MALT1: variants seen among roughly 807,000 people sequenced by gnomAD.
MALT1 encodes mucosa-associated lymphoid tissue lymphoma translocation protein 1.
Under a neutral mutation model 85.5 loss-of-function variants are expected in MALT1, and 36 were observed. The observed-to-expected ratio is 0.42, with a 90% CI of 0.32 to 0.56. The LOEUF is 0.56. MALT1 is among the 20% of genes least tolerant of loss of function. MALT1 has a pLI of 0.10. For synonymous variants in MALT1, 359 were observed against 361.3 expected, an observed-to-expected ratio of 0.99 and a Z score of 0.07; for missense variants, 716 against 981.6, an observed-to-expected ratio of 0.73 and a Z score of 3.62.
chr18:58,731,656 T>C (rs1407953266), intron 10 of MALT1, among the ~76,000 whole-genome samples: 1 of 152,268 alleles, frequency 6.6e-6, no homozygotes, highest in Non-Finnish European at 1.5e-5. Context: ...TTTCACTTCA[T>C]ACTGATATTC....
intron 16 of MALT1, among the ~76,000 whole-genome samples, chr18:58,746,700 C>CT (rs2055371627): frequency 6.6e-6 from 1 of 151,548 alleles, no homozygotes; most frequent in Non-Finnish European, 1.5e-5. Flanking sequence ...ACAGCTTAAG[C>CT]TTTTTTTATA....
chr18:58,729,964 C>A (rs1195615735), intron 10 of MALT1, among the ~76,000 whole-genome samples: 1 of 152,116 alleles, frequency 6.6e-6, no homozygotes, highest in Non-Finnish European at 1.5e-5. Context: ...AAACCAGTTA[C>A]CAGGTAGTAG....
At chr18:58,745,852 T>C (rs1341760252) in intron 16 of MALT1, 61 bp downstream of exon 16, 13 of 1,512,116 alleles carry the variant, frequency 8.6e-6, no homozygotes, top group Non-Finnish European at 1.2e-5. Flanking sequence ...GAAACTTATT[T>C]TGGCATAGAC....
At chr18:58,708,275 T>C (rs1462569143) in intron 4 of MALT1, among the ~76,000 whole-genome samples, 2 of 152,168 alleles carry the variant, frequency 1.3e-5, no homozygotes, top group East Asian at 3.8e-4. Context: ...AGGGAGTTGG[T>C]GAGTGAGGCA....
chr18:58,747,898 C>A lies in MALT1; in HGVS notation c.*56C>A. On this transcript the variant is annotated 3_prime_UTR_variant, in exon 17 of 17. Coordinates refer to ENST00000649217, the MANE Select transcript of MALT1 (RefSeq NM_006785.4). ...TAGATGCCTGTGAAATAGTACTGCACTTACATAAAGTGAGACATTGTGAAA... is the reference window on the plus strand; with the variant it reads ...TAGATGCCTGTGAAATAGTACTGCAATTACATAAAGTGAGACATTGTGAAA... 1 of 1,421,076 alleles carries A rather than the reference C, an allele frequency of 7.0e-7. No homozygotes were observed. Among genetic ancestry groups the A allele is most frequent in the Non-Finnish European group, 9.8e-7 (1 of 1,025,340 alleles). 88.0% of individuals were successfully genotyped at this position (1,421,076 alleles called of 1,614,324 possible).
chr18:58,699,781 A>G (rs753950861), intron 3 of MALT1, among the ~76,000 whole-genome samples: 18 of 152,206 alleles, frequency 1.2e-4, no homozygotes, highest in Non-Finnish European at 2.1e-4. Context: ...GGTGTAGCTG[A>G]TCAATTGCTG....
intron 4 of MALT1, among the ~76,000 whole-genome samples, chr18:58,701,876 A>G (rs2054677196): frequency 6.6e-6 from 1 of 152,236 alleles, no homozygotes; most frequent in Non-Finnish European, 1.5e-5. Flanking sequence ...CGTAAAAACA[A>G]ACACTCAATA....
intron 2 of MALT1, 136 bp downstream of exon 2, chr18:58,681,472 G>A: frequency 1.3e-6 from 1 of 748,110 alleles, no homozygotes. Context: ...TGCTTTCCCA[G>A]GTTGAAGCAA....
At chr18:58,684,921 T>C (rs1294805271) in intron 2 of MALT1, among the ~76,000 whole-genome samples, 1 of 152,220 alleles carries the variant, frequency 6.6e-6, no homozygotes, top group African/African-American at 2.4e-5. Flanking sequence ...AAGTTTACTG[T>C]ATTGCAATGC....
intron 16 of MALT1, among the ~76,000 whole-genome samples, chr18:58,746,410 T>C (rs779155844): frequency 6.6e-6 from 1 of 152,184 alleles, no homozygotes; most frequent in Non-Finnish European, 1.5e-5. Flanking sequence ...TTTTTTTCCA[T>C]TTTTTTATTT....
At chr18:58,735,360 A>C in intron 13 of MALT1, 31 bp downstream of exon 13, 2 of 1,576,048 alleles carry the variant, frequency 1.3e-6, no homozygotes, top group Non-Finnish European at 1.7e-6. Flanking sequence ...AAAAGTACTC[A>C]GAAAAAGGAG....
intron 2 of MALT1, chr18:58,691,406 G>A (rs543370763): frequency 1.7e-5 from 9 of 534,096 alleles, no homozygotes; most frequent in South Asian, 7.0e-5. Context: ...CCAAGATCTC[G>A]GAGCAGCCCG....
rs928674130 is a variant in MALT1, at chr18:58,715,850, G to A, written c.986-85G>A. 9.2e-6 allele frequency: 8 copies of A among 869,504 alleles called. No homozygotes were observed. In the Admixed American group the frequency reaches 1.1e-4, roughly 12 times the overall value. The allele number at this position is 869,504 out of a possible 1,614,324, so 53.9% of individuals were successfully genotyped here. On this transcript the variant is annotated intron_variant, in intron 8 of 16. Coordinates refer to ENST00000649217, the MANE Select transcript of MALT1 (RefSeq NM_006785.4). ...GAAACTATATTCTGTAAGTGATGCTGCTGATGTTATATACTTTTCATGTAT... is the reference window on the plus strand; with the variant it reads ...GAAACTATATTCTGTAAGTGATGCTACTGATGTTATATACTTTTCATGTAT...
In MALT1 at chr18:58,671,749, C is replaced by T. The variant is rs866625194; in HGVS notation, c.106C>T (p.Pro36Ser). ...CGCGACCCTCAACCGCCTGCGGGAG[C>T]CGCTGCTGCGGAGGCTCAGCGAGCT... ...AGATLNRLRE[P>S]LLRRLSELLD... Residue 36 changes from proline to serine, a missense_variant, in exon 1 of 17, where the codon CCG becomes TCG. By Grantham distance (74) the Pro-to-Ser change is moderately conservative (BLOSUM62 -1). This residue lies in a region of MALT1 where 80 missense variants were observed against 65.1 expected (regional missense o/e 1.23). Coordinates refer to ENST00000649217, the MANE Select transcript of MALT1 (RefSeq NM_006785.4). 8.6e-6 allele frequency: 11 copies of T among 1,276,256 alleles called. No individual in the cohort carries two copies. The Middle Eastern group carries it at 1.2e-3, about 140-fold the overall frequency. 79.1% of individuals were successfully genotyped at this position (1,276,256 alleles called of 1,614,324 possible).
At chr18:58,712,217 A>C (rs1292850949) in intron 7 of MALT1, among the ~76,000 whole-genome samples, 1 of 152,198 alleles carries the variant, frequency 6.6e-6, no homozygotes, top group Non-Finnish European at 1.5e-5. Flanking sequence ...AGATGAAAAA[A>C]TTAGATCCAA....
At position 58,715,962 on chromosome 18, in the gene MALT1, C is replaced by T; in HGVS notation, c.1013C>T (p.Pro338Leu). ...PDNKEQTTDQ[P>L]LAKDKVALLI... The stretch of plus-strand genomic sequence containing the variant: ...AATAAAGAGCAAACAACTGACCAGC[C>T]TTTGGGTGAGTAGAACTTTAAAATG... The change falls in exon 9 of 17, where the codon CCT becomes CTT. Residue 338 changes from proline (P) to leucine (L), a missense_variant. By Grantham distance (98) the Pro-to-Leu change is moderately conservative (BLOSUM62 -3). This residue lies in a region of MALT1 where 290 missense variants were observed against 380.5 expected (regional missense o/e 0.76). Transcript: ENST00000649217. The T allele has an allele frequency of 6.2e-7, 1 of 1,602,778 alleles. No homozygotes were observed. The highest frequency in any genetic ancestry group is 1.1e-5 in the South Asian group (1 of 88,688).
chr18:58,721,051 T>A (rs2054975380), intron 9 of MALT1, among the ~76,000 whole-genome samples: 3 of 152,176 alleles, frequency 2.0e-5, no homozygotes, highest in Admixed American at 6.5e-5. Flanking sequence ...CTGTAGCAGG[T>A]ACTTTAGTGT....
Position 58,750,376 on chromosome 18 carries a change from G to T in MALT1, c.*2534G>T, listed in dbSNP as rs1201154069. ...AACAATTCCTATCAAAATCCTAGCT[G>T]TATTTTTTGCAGAAATTGACAAACT... On this transcript the variant is annotated 3_prime_UTR_variant, in exon 17 of 17. Transcript: ENST00000649217. The T allele has an allele frequency of 1.3e-5, 2 of 152,924 alleles. No individual in the cohort carries two copies. Among genetic ancestry groups the T allele is most frequent in the Non-Finnish European group, 2.9e-5 (2 of 68,524 alleles). 9.5% of individuals were successfully genotyped at this position (152,924 alleles called of 1,614,324 possible).
chr18:58,712,220 A>C (rs1373481499), intron 7 of MALT1, among the ~76,000 whole-genome samples: 1 of 152,190 alleles, frequency 6.6e-6, no homozygotes, highest in Non-Finnish European at 1.5e-5. Flanking sequence ...TGAAAAAATT[A>C]GATCCAAATT....
Sources: gnomAD v4.1 joint callset for allele counts (sites outside exome capture counted in the v4.1 genomes callset) on GRCh38, gnomAD v4.1.1 for gene constraint, gnomAD v4.1.1 regional missense constraint, MANE v1.5 for transcripts, NCBI Gene and HGNC (gene_info 2026-07-23, HGNC 2026-07-21) for gene names.